CUL4B: variants seen among roughly 807,000 people sequenced by gnomAD.
CUL4B encodes the protein cullin 4B, also known as cullin-4B.
In CUL4B, 1 loss-of-function variant was observed where a neutral mutation model predicts 69.2. The ratio of observed to expected loss-of-function variants is 0.01; its 90% CI spans 0.01 to 0.07. CUL4B has a LOEUF of 0.07. CUL4B is among the 10% of genes least tolerant of loss of function. The pLI is 1.00. For synonymous variants in CUL4B, 237 were observed against 223.2 expected, an observed-to-expected ratio of 1.06 and a Z score of -0.55; for missense variants, 328 against 638.8, an observed-to-expected ratio of 0.51 and a Z score of 5.24.
At chrX:120,564,961 T>C (rs746716788), upstream of CUL4B, among the ~76,000 whole-genome samples, 8 of 112,651 alleles carry the variant, frequency 7.1e-5, 1 homozygote, top group East Asian at 8.3e-4. Context: ...GTAGTTATTA[T>C]TGGCCACCTT....
chrX:120,561,499 G>C (rs1407268837), upstream of CUL4B: 2 of 393,665 alleles, frequency 5.1e-6, no homozygotes, highest in Non-Finnish European at 9.3e-6. Flanking sequence ...AGGAGGAGGG[G>C]GCGGGCCTTC....
In CUL4B at chrX:120,525,366, TAAAC is replaced by T. The variant is rs1471693675; in HGVS notation, c.*1391_*1394del. ...AAGTAGTTCTGATTTTTAACAAACATAAACAAAATTTTCTGCTTCTCCTCCCTTC... is the reference window on the plus strand; with the variant it reads ...AAGTAGTTCTGATTTTTAACAAACATAAAATTTTCTGCTTCTCCTCCCTTC... On this transcript the variant is annotated 3_prime_UTR_variant, in exon 20 of 20. Transcript: ENST00000371322. 1.8e-5 allele frequency: 2 copies of T among 111,046 alleles called. No individual in the cohort carries two copies. The highest frequency in any genetic ancestry group is 3.8e-5 in the Non-Finnish European group (2 of 52,899). The allele number at this position is 111,046 out of a possible 1,213,427, so 9.2% of individuals were successfully genotyped here.
intron 15 of CUL4B, among the ~76,000 whole-genome samples, chrX:120,536,429 T>C (rs1386523879): frequency 8.9e-6 from 1 of 112,501 alleles, no homozygotes; most frequent in Non-Finnish European, 1.9e-5. Flanking sequence ...GCTTCAGTCC[T>C]GGACTAGACA....
intron 12 of CUL4B, 114 bp from the exon 13 acceptor site, chrX:120,538,884 TTTTA>T (rs1235779834): frequency 4.0e-6 from 2 of 498,795 alleles, no homozygotes; most frequent in East Asian, 3.6e-5. Context: ...ACTTTACACA[TTTTA>T]TTTAAGTTTG....
At chrX:120,574,741 A>G (rs780887931) in intron 1 of CUL4B, 1 of 649,540 alleles carries the variant, frequency 1.5e-6, no homozygotes, top group Non-Finnish European at 2.5e-6. Flanking sequence ...TATTTGTTCC[A>G]TATCTTCAAG....
intron 19 of CUL4B, among the ~76,000 whole-genome samples, chrX:120,528,456 T>A (rs1923123511): frequency 9.2e-6 from 1 of 108,145 alleles, no homozygotes; most frequent in Non-Finnish European, 1.9e-5. Context: ...ACAGGTGCAG[T>A]GGCTCATGCC....
intron 1 of CUL4B, among the ~76,000 whole-genome samples, chrX:120,558,607 C>CAAG (rs1925114852): frequency 8.9e-6 from 1 of 111,864 alleles, no homozygotes; most frequent in Non-Finnish European, 1.9e-5. Context: ...GAAATGGAAA[C>CAAG]ATCTTAACTC....
chrX:120,572,840 T>A (rs1241791783), intron 2 of CUL4B, among the ~76,000 whole-genome samples: 1 of 111,786 alleles, frequency 8.9e-6, no homozygotes, highest in African/African-American at 3.3e-5. Context: ...CACACGTTAT[T>A]GTTGTTGCTT....
upstream of CUL4B, chrX:120,561,082 A>C: frequency 9.9e-7 from 1 of 1,009,500 alleles, no homozygotes. Flanking sequence ...CAAGAGGCTA[A>C]AGATGGCGCC....
chrX:120,548,847 A>T (rs764022849), intron 2 of CUL4B, among the ~76,000 whole-genome samples: 1 of 111,876 alleles, frequency 8.9e-6, no homozygotes, highest in Admixed American at 9.5e-5. Context: ...AAGGAATAAA[A>T]TAAAAAATAA....
At chrX:120,552,682 C>G (rs1445486562) in intron 2 of CUL4B, among the ~76,000 whole-genome samples, 1 of 110,585 alleles carries the variant, frequency 9.0e-6, no homozygotes, top group Non-Finnish European at 1.9e-5. Context: ...AAAAAAAACA[C>G]AGTCAAAAAA....
In CUL4B at chrX:120,559,913, C is replaced by T; in HGVS notation, c.556+170G>A. The stretch of plus-strand genomic sequence containing the variant: ...TGCTTCAGCACAAGGATCCTAACCA[C>T]CCCCGGAAAATGAACCCTCCACCAA... On this transcript the variant is annotated intron_variant, in intron 1 of 19. Coordinates refer to ENST00000371322, the MANE Select transcript of CUL4B (RefSeq NM_001079872.2). 3 of 1,137,873 alleles carry T rather than the reference C, an allele frequency of 2.6e-6. No individual in the cohort carries two copies. In the South Asian group the frequency reaches 6.3e-5, roughly 24 times the overall value. 93.8% of individuals were successfully genotyped at this position (1,137,873 alleles called of 1,213,427 possible). A position where few individuals can be genotyped will look rare whatever the true frequency, so the allele number is the denominator to read the frequency against.
At chrX:120,556,293 C>T (rs1924961006) in intron 2 of CUL4B, among the ~76,000 whole-genome samples, 1 of 111,511 alleles carries the variant, frequency 9.0e-6, no homozygotes, top group Non-Finnish European at 1.9e-5. Context: ...ATGTGTTGTG[C>T]ACTGATTTGA....
At chrX:120,570,053 T>C (rs751113869), downstream of CUL4B, among the ~76,000 whole-genome samples, 3 of 111,787 alleles carry the variant, frequency 2.7e-5, no homozygotes, top group Non-Finnish European at 3.8e-5. Flanking sequence ...AGCATCCCAA[T>C]CTCAAGTCTG....
At chrX:120,543,636 A>T (rs1924144076) in intron 8 of CUL4B, 91 bp downstream of exon 8, 3 of 632,696 alleles carry the variant, frequency 4.7e-6, no homozygotes, top group Non-Finnish European at 8.0e-6. Flanking sequence ...ATCACACCTG[A>T]AAACAGTTAC....
chrX:120,540,082 G>C (rs1478181820), intron 11 of CUL4B, among the ~76,000 whole-genome samples: 1 of 111,789 alleles, frequency 8.9e-6, no homozygotes, highest in African/African-American at 3.3e-5. Flanking sequence ...ATAACACCCT[G>C]CCTCATTTTT....
At position 120,530,222 on chromosome X, in the gene CUL4B, T is replaced by C; in HGVS notation, c.2472A>G (p.Val824=). ...CAATTTGATACTGTCTGTCTTGAAA[T>C]ACTCTTTCTGTAGTGCTTGCTTGTT... is the stretch of plus-strand genomic sequence containing the variant. ...VEEQASTTER[V]FQDRQYQIDA... The change falls in exon 19 of 20, where the codon GTA becomes GTG. Residue 824 remains valine, a synonymous_variant. Transcript: ENST00000371322. The C allele has an allele frequency of 8.3e-7, 1 of 1,210,957 alleles. No homozygotes were observed. Among genetic ancestry groups the C allele is most frequent in the Non-Finnish European group, 1.1e-6 (1 of 894,960 alleles).
exon 3 of CUL4B, chrX:120,571,402 A>C (rs1221891855): frequency 9.0e-6 from 1 of 111,612 alleles, no homozygotes; most frequent in Non-Finnish European, 1.9e-5. Flanking sequence ...AACAAATGAC[A>C]ACTAGGATTG....
At chrX:120,545,207 C>T (rs1924241900) in intron 5 of CUL4B, among the ~76,000 whole-genome samples, 1 of 111,964 alleles carries the variant, frequency 8.9e-6, no homozygotes, top group Non-Finnish European at 1.9e-5. Context: ...AAACTTTAGT[C>T]CCCTCGGCTA....
Sources: allele counts gnomAD v4.1 joint callset (sites outside exome capture counted in the v4.1 genomes callset), GRCh38; gene constraint gnomAD v4.1.1; transcripts MANE v1.5; gene names NCBI Gene and HGNC (gene_info 2026-07-23, HGNC 2026-07-21).